SLC28A1: variants seen among roughly 807,000 people sequenced by gnomAD.
SLC28A1 encodes sodium/nucleoside cotransporter 1.
In SLC28A1, 64 loss-of-function variants were observed where a neutral mutation model predicts 74.8. The observed-to-expected ratio is 0.86, with a 90% CI of 0.70 to 1.05. The LOEUF (loss-of-function observed/expected upper bound fraction) is 1.05. Ranked by LOEUF, SLC28A1 falls within the 50% of genes least tolerant of loss-of-function variation. SLC28A1 has a pLI of 0.00. For missense variants in SLC28A1, 828 were observed against 822.8 expected (o/e 1.01, Z -0.08); for synonymous variants, 359 against 335.0 (o/e 1.07, Z -0.78).
At chr15:84,904,023 C>T (rs1966852041) in intron 6 of SLC28A1, 74 bp from the exon 7 acceptor site, 9 of 1,597,932 alleles carry the variant, frequency 5.6e-6, no homozygotes, top group Non-Finnish European at 7.7e-6. Context: ...TCTCTGGGTC[C>T]CCGGGTGCTA....
At chr15:84,946,084 T>TTATATATATATATA (rs1567196223), downstream of SLC28A1, among the ~76,000 whole-genome samples, 34 of 27,546 alleles carry the variant, frequency 1.2e-3, 3 homozygotes, top group African/African-American at 1.9e-3. Context: ...GTGTGTATGT[T>TTATATATATATATA]CATATATATA....
chr15:84,886,229 C>T, intron 1 of SLC28A1: 1 of 985,398 alleles, frequency 1.0e-6, no homozygotes, highest in Non-Finnish European at 1.2e-6. Flanking sequence ...CTCACAGCTA[C>T]ACTGCTTTCC....
At chr15:84,916,267 G>C (rs1484688989) in intron 9 of SLC28A1, among the ~76,000 whole-genome samples, 4 of 119,172 alleles carry the variant, frequency 3.4e-5, no homozygotes, top group African/African-American at 1.4e-4. Flanking sequence ...TCAAACATGG[G>C]GTCTTACTCT....
intron 10 of SLC28A1, among the ~76,000 whole-genome samples, chr15:84,919,803 G>C: frequency 6.6e-6 from 1 of 152,038 alleles, no homozygotes; most frequent in South Asian, 2.1e-4. Flanking sequence ...ATTTTTATTT[G>C]GCAATCAAAT....
chr15:84,943,588 C>A (rs1469956144), intron 16 of SLC28A1, 62 bp downstream of exon 16: 6 of 1,251,564 alleles, frequency 4.8e-6, no homozygotes, highest in Non-Finnish European at 5.9e-6. Flanking sequence ...TTGCTCGGGA[C>A]ATGTAGGCCT....
chr15:84,932,042 C>A (rs1320153212), intron 12 of SLC28A1, among the ~76,000 whole-genome samples: 1 of 152,088 alleles, frequency 6.6e-6, no homozygotes, highest in Non-Finnish European at 1.5e-5. Flanking sequence ...ACCCCTGGCC[C>A]CAGCAGCCAG....
At chr15:84,959,434 T>C in the SLC28A1 span, among the ~76,000 whole-genome samples, 1 of 152,030 alleles carries the variant, frequency 6.6e-6, no homozygotes, top group South Asian at 2.1e-4. Flanking sequence ...TCTTTGTTAA[T>C]TTTCTCTCTT....
intron 12 of SLC28A1, among the ~76,000 whole-genome samples, chr15:84,930,856 G>C (rs1230681248): frequency 6.6e-6 from 1 of 151,482 alleles, no homozygotes; most frequent in African/African-American, 2.4e-5. Context: ...TGCAACCTCC[G>C]CCTCCTGGGT....
chr15:84,887,186 A>G (rs563054515), intron 2 of SLC28A1, among the ~76,000 whole-genome samples: 1 of 152,388 alleles, frequency 6.6e-6, no homozygotes, highest in African/African-American at 2.4e-5. Flanking sequence ...AGTAGAATAC[A>G]CTGAAGATCT....
intron 10 of SLC28A1, 54 bp downstream of exon 10, chr15:84,918,658 G>A: frequency 4.4e-6 from 6 of 1,366,352 alleles, no homozygotes; most frequent in South Asian, 2.3e-5. Context: ...AGCTCACAGG[G>A]TTCACACTGT....
intron 10 of SLC28A1, 25 bp downstream of exon 10, chr15:84,918,629 G>A: frequency 6.4e-7 from 1 of 1,565,542 alleles, no homozygotes; most frequent in South Asian, 1.1e-5. Context: ...CCCATGGCCA[G>A]GGCTCTCCCA....
At position 84,895,036 on chromosome 15, in the gene SLC28A1, AC is replaced by A. The variant is rs1180127608; in HGVS notation, c.376del (p.Arg126AlafsTer3). 6.2e-7 allele frequency: 1 copy of A among 1,613,896 alleles called. No individual in the cohort carries two copies. Among genetic ancestry groups the A allele is most frequent in the African/African-American group, 1.3e-5 (1 of 74,826 alleles). On this transcript the variant is annotated frameshift_variant, in exon 6 of 19. Coordinates refer to ENST00000394573, the MANE Select transcript of SLC28A1 (RefSeq NM_004213.5). LOFTEE classifies it high-confidence loss of function. ...LTCVVLTFLG[H>X]RLLKRLLGPK... The stretch of plus-strand genomic sequence containing the variant: ...TGTGTGGTCCTCACCTTCCTGGGCC[AC>A]CGCCTGCTGAAACGGCTTCTGGGGC...
chr15:84,909,363 C>T (rs1967797982), intron 9 of SLC28A1, among the ~76,000 whole-genome samples: 1 of 152,218 alleles, frequency 6.6e-6, no homozygotes, highest in African/African-American at 2.4e-5. Flanking sequence ...TCCTTCCTTT[C>T]TTTCTTCCAA....
At position 84,941,611 on chromosome 15, in the gene SLC28A1, C is replaced by T. The variant is rs551995455; in HGVS notation, c.1582-1834C>T. Among the ~76,000 whole-genome samples, 189 of 152,050 alleles carry T rather than the reference C, an allele frequency of 1.2e-3. 2 individuals carry two copies. Among genetic ancestry groups the T allele is most frequent in the African/African-American group, 4.4e-3 (181 of 41,462 alleles). On this transcript the variant is annotated intron_variant, in intron 15 of 18. Coordinates refer to ENST00000394573, the MANE Select transcript of SLC28A1 (RefSeq NM_004213.5). ...GTTATCTGGAAAGTGCGGCTGGGCACGGTGGCTCATGCCTGTAATTCCAAC... is the reference window on the plus strand; with the variant it reads ...GTTATCTGGAAAGTGCGGCTGGGCATGGTGGCTCATGCCTGTAATTCCAAC...
the SLC28A1 span, among the ~76,000 whole-genome samples, chr15:84,965,580 A>G: frequency 6.6e-6 from 1 of 152,212 alleles, no homozygotes; most frequent in Non-Finnish European, 1.5e-5. Context: ...ATGGGGGCAC[A>G]TAACTAAGTT....
At position 84,908,593 on chromosome 15, in the gene SLC28A1, C is replaced by CCA. The variant is rs1555447809; in HGVS notation, c.718-124_718-123insAC. On this transcript the variant is annotated intron_variant, in intron 8 of 18. Transcript: ENST00000394573. ...ACGCACCTTGCCAGGTGGTGCCCCC[C>CCA]CCCGGATAAGGGCCTGGGGGGACTA... is the stretch of plus-strand genomic sequence containing the variant. 1.4e-5 allele frequency: 11 copies of CCA among 772,558 alleles called. No homozygotes were observed. In the African/African-American group the frequency reaches 1.9e-4, roughly 13 times the overall value. The allele number at this position is 772,558 out of a possible 1,614,324, so 47.9% of individuals were successfully genotyped here.
At position 84,933,210 on chromosome 15, in the gene SLC28A1, G is replaced by A. The variant is rs2305367; in HGVS notation, c.1149G>A (p.Lys383=). 665,454 of 1,613,326 alleles carry A rather than the reference G, an allele frequency of 0.41. 148,014 individuals carry two copies. Among genetic ancestry groups the A allele is most frequent in the East Asian group, 0.89 (39,827 of 44,802 alleles). The change falls in exon 13 of 19, where the codon AAG becomes AAA. Residue 383 remains lysine (K), a synonymous_variant. Coordinates refer to ENST00000394573, the MANE Select transcript of SLC28A1 (RefSeq NM_004213.5). ...CCCCTTGTGCCTTGGCCCTCTCCAA[G>A]CTGGTCTACCCGGAGGTGGAGGAGT... The part of the protein sequence containing the change: ...MAAPCALALS[K]LVYPEVEESK...
chr15:84,899,266 CAG>C (rs1966341805), intron 6 of SLC28A1, among the ~76,000 whole-genome samples: 1 of 151,886 alleles, frequency 6.6e-6, no homozygotes, highest in South Asian at 2.1e-4. Flanking sequence ...AAAATTCAAA[CAG>C]AGCATCAGTT....
downstream of SLC28A1, among the ~76,000 whole-genome samples, chr15:84,947,242 C>T (rs2079263010): frequency 6.6e-6 from 1 of 152,240 alleles, no homozygotes; most frequent in Middle Eastern, 3.2e-3. Flanking sequence ...AGCCCTCCCT[C>T]AGTCCTTGCT....
Sources: allele counts gnomAD v4.1 joint callset (sites outside exome capture counted in the v4.1 genomes callset), GRCh38; gene constraint gnomAD v4.1.1; transcripts MANE v1.5; gene names NCBI Gene and HGNC (gene_info 2026-07-23, HGNC 2026-07-21).